The following CRY1 variants were observed in gnomAD, a reference collection of about 807,000 sequenced individuals.
CRY1 encodes the protein cryptochrome-1.
Under a neutral mutation model 76.0 loss-of-function variants are expected in CRY1, and 45 were observed. The ratio of observed to expected loss-of-function variants is 0.59; its 90% CI spans 0.47 to 0.76. CRY1 has a LOEUF of 0.76. Ranked by LOEUF, CRY1 falls within the 30% of genes least tolerant of loss-of-function variation. CRY1 has a pLI of 0.00. For synonymous variants in CRY1, 248 were observed against 244.0 expected (o/e 1.02, Z -0.15); for missense variants, 587 against 716.4 (o/e 0.82, Z 2.06).
intron 1 of CRY1, among the ~76,000 whole-genome samples, chr12:107,031,088 C>A (rs940063075): frequency 6.6e-6 from 1 of 152,060 alleles, no homozygotes; most frequent in African/African-American, 2.4e-5. Context: ...ATTAAGATAC[C>A]CTAACAGAAA....
intron 1 of CRY1, chr12:107,042,987 G>A (rs1319470527): frequency 6.6e-6 from 1 of 152,252 alleles, no homozygotes; most frequent in Non-Finnish European, 1.5e-5. Flanking sequence ...TAGAGAAAAA[G>A]CAAACACTAG....
At chr12:107,067,493 T>A (rs1953127474) in intron 1 of CRY1, among the ~76,000 whole-genome samples, 1 of 152,160 alleles carries the variant, frequency 6.6e-6, no homozygotes, top group Non-Finnish European at 1.5e-5. Context: ...TTTATGATTA[T>A]CTAAAGTTCC....
chr12:107,073,483 T>C (rs1339562724), intron 1 of CRY1, among the ~76,000 whole-genome samples: 1 of 152,152 alleles, frequency 6.6e-6, no homozygotes, highest in Non-Finnish European at 1.5e-5. Context: ...TCCCAGCACT[T>C]TGGGAGGCTG....
intron 2 of CRY1, among the ~76,000 whole-genome samples, chr12:107,006,021 T>A (rs772201550): frequency 1.3e-5 from 2 of 152,142 alleles, no homozygotes; most frequent in Non-Finnish European, 2.9e-5. Flanking sequence ...ACTGCCTATA[T>A]GGTAACATAC....
chr12:107,031,259 G>C (rs1952670804), intron 1 of CRY1, among the ~76,000 whole-genome samples: 1 of 152,096 alleles, frequency 6.6e-6, no homozygotes, highest in Admixed American at 6.5e-5. Flanking sequence ...GCTTCATCTG[G>C]GTTGAAGAGG....
chr12:107,071,493 CTT>C (rs1953190310), intron 1 of CRY1, among the ~76,000 whole-genome samples: 1 of 152,146 alleles, frequency 6.6e-6, no homozygotes, highest in Non-Finnish European at 1.5e-5. Context: ...ATTGTTTCCT[CTT>C]CTTTTATCAT....
At chr12:107,023,095 T>TTGA (rs1952575829) in intron 1 of CRY1, among the ~76,000 whole-genome samples, 1 of 152,194 alleles carries the variant, frequency 6.6e-6, no homozygotes, top group South Asian at 2.1e-4. Flanking sequence ...TCATTTAGAT[T>TTGA]CTGTTCTTTT....
At chr12:107,028,968 G>C (rs987673313) in intron 1 of CRY1, among the ~76,000 whole-genome samples, 2 of 152,184 alleles carry the variant, frequency 1.3e-5, no homozygotes, top group African/African-American at 2.4e-5. Context: ...TATACATAAA[G>C]ATTTAGGCTC....
chr12:107,058,873 T>C (rs1020701973), intron 1 of CRY1, among the ~76,000 whole-genome samples: 1 of 152,202 alleles, frequency 6.6e-6, no homozygotes, highest in Non-Finnish European at 1.5e-5. Flanking sequence ...CTTGATGATT[T>C]CATAATTATT....
At chr12:107,002,189 T>C (rs1228070291) in intron 3 of CRY1, among the ~76,000 whole-genome samples, 2 of 152,066 alleles carry the variant, frequency 1.3e-5, no homozygotes, top group Non-Finnish European at 2.9e-5. Context: ...ACTACACAAA[T>C]ATTAAACCTT....
chr12:107,089,362 GTCTC>G (rs1421531327), intron 1 of CRY1, among the ~76,000 whole-genome samples: 2 of 75,244 alleles, frequency 2.7e-5, no homozygotes, highest in Non-Finnish European at 4.9e-5. Context: ...AAGAGATAGG[GTCTC>G]TCTGTGTACC....
chr12:107,030,762 C>G (rs541093838), intron 1 of CRY1, among the ~76,000 whole-genome samples: 1 of 151,348 alleles, frequency 6.6e-6, no homozygotes, highest in Non-Finnish European at 1.5e-5. Context: ...CCAGAAGAAA[C>G]CTAACTGTGT....
intron 6 of CRY1, 34 bp from the exon 7 acceptor site, chr12:106,999,896 T>A (rs1952283662): frequency 6.3e-7 from 1 of 1,576,046 alleles, no homozygotes; most frequent in Non-Finnish European, 8.6e-7. Context: ...ATTATCAGAA[T>A]TTTTTTTTAA....
At chr12:107,024,977 C>T (rs553205721) in intron 1 of CRY1, among the ~76,000 whole-genome samples, 20 of 152,186 alleles carry the variant, frequency 1.3e-4, no homozygotes, top group African/African-American at 4.8e-4. Context: ...AAAGAGAAGG[C>T]TAAAGTAGAA....
At chr12:107,005,857 A>G (rs1167450548) in intron 2 of CRY1, among the ~76,000 whole-genome samples, 1 of 152,188 alleles carries the variant, frequency 6.6e-6, no homozygotes, top group African/African-American at 2.4e-5. Flanking sequence ...TATTATCAGG[A>G]GCTATGTTAA....
intron 1 of CRY1, among the ~76,000 whole-genome samples, chr12:107,061,895 G>A (rs932411706): frequency 6.6e-6 from 1 of 151,634 alleles, no homozygotes; most frequent in Non-Finnish European, 1.5e-5. Context: ...CTCAGGCACA[G>A]TGGTGTAGTC....
intron 1 of CRY1, among the ~76,000 whole-genome samples, chr12:107,054,624 G>T (rs1952962556): frequency 7.2e-6 from 1 of 139,658 alleles, no homozygotes; most frequent in Admixed American, 7.2e-5. Flanking sequence ...ATTTACAAGA[G>T]ACATCTAAAA....
intron 1 of CRY1, among the ~76,000 whole-genome samples, chr12:107,062,433 C>G (rs529895046): frequency 6.6e-6 from 1 of 152,242 alleles, no homozygotes; most frequent in South Asian, 2.1e-4. Flanking sequence ...AATTACATTA[C>G]AGTACAAGTT....
intron 1 of CRY1, among the ~76,000 whole-genome samples, chr12:107,051,279 T>C (rs1407285215): frequency 1.3e-5 from 2 of 152,196 alleles, no homozygotes; most frequent in African/African-American, 4.8e-5. Flanking sequence ...CACATTATCT[T>C]ATTTAGGTAA....
Sources: gnomAD v4.1 joint callset for allele counts (sites outside exome capture counted in the v4.1 genomes callset) on GRCh38, gnomAD v4.1.1 for gene constraint, MANE v1.5 for transcripts, NCBI Gene and HGNC (gene_info 2026-07-23, HGNC 2026-07-21) for gene names.